The following MUC7 variants were observed in gnomAD, a reference collection of about 807,000 sequenced individuals.
The protein encoded by MUC7 is mucin 7, secreted.
In MUC7, 2 loss-of-function variants were observed where a neutral mutation model predicts 2.5. That is an observed-to-expected ratio of 0.81 (90% CI 0.33 to 2.55). The LOEUF is 2.55. MUC7 is among the 30% of genes most tolerant of loss of function. The pLI is 0.11. For missense variants in MUC7, 408 were observed against 455.6 expected, an observed-to-expected ratio of 0.90 and a Z score of 0.95; for synonymous variants, 133 against 173.4, an observed-to-expected ratio of 0.77 and a Z score of 1.83.
At chr4:70,475,685 AT>A (rs1734977690) in intron 2 of MUC7, among the ~76,000 whole-genome samples, 1 of 152,052 alleles carries the variant, frequency 6.6e-6, no homozygotes, top group African/African-American at 2.4e-5. Context: ...TAATAACCAT[AT>A]TTTTCTCTCA....
chr4:70,436,204 A>G (rs1359862780), intron 1 of MUC7, among the ~76,000 whole-genome samples: 1 of 152,206 alleles, frequency 6.6e-6, no homozygotes, highest in South Asian at 2.1e-4. Flanking sequence ...CTCGAGGAGT[A>G]TCTTTCTGGT....
In MUC7 at chr4:70,481,655, C is replaced by T. The variant is rs370627014; in HGVS notation, c.911C>T (p.Thr304Ile). The change falls in exon 3 of 3, where the codon ACA becomes ATA. Residue 304 changes from threonine (T) to isoleucine (I), a missense_variant. Transcript: ENST00000304887. ...PPSSPAPQET[T>I]AAPITTPNSS... ...TCTTCCCCAGCTCCACAAGAGACCA[C>T]AGCTGCCCCAATTACCACACCTAAT... The T allele has an allele frequency of 1.2e-5, 20 of 1,614,084 alleles. No homozygotes were observed. Among genetic ancestry groups the T allele is most frequent in the Non-Finnish European group, 1.7e-5 (20 of 1,180,044 alleles).
intron 1 of MUC7, among the ~76,000 whole-genome samples, chr4:70,445,856 T>C (rs1450060483): frequency 6.6e-6 from 1 of 152,218 alleles, no homozygotes; most frequent in Non-Finnish European, 1.5e-5. Flanking sequence ...GGAGAATGAA[T>C]GTACAACGGA....
intron 1 of MUC7, among the ~76,000 whole-genome samples, chr4:70,462,077 G>A (rs1269912927): frequency 6.6e-6 from 1 of 152,056 alleles, no homozygotes; most frequent in East Asian, 1.9e-4. Flanking sequence ...AGCCACTCAG[G>A]TGGCAGACAC....
At chr4:70,462,209 C>G (rs1386066616) in intron 1 of MUC7, among the ~76,000 whole-genome samples, 1 of 95,582 alleles carries the variant, frequency 1.0e-5, no homozygotes, top group African/African-American at 4.1e-5. Flanking sequence ...AAAATCCTGT[C>G]TTAAAAAAAA....
chr4:70,476,046 A>T (rs933621671), intron 2 of MUC7, among the ~76,000 whole-genome samples: 1 of 152,190 alleles, frequency 6.6e-6, no homozygotes, highest in Admixed American at 6.5e-5. Context: ...AGCAATTTAG[A>T]ATCTATTTAT....
At chr4:70,457,810 A>G (rs991921419) in intron 1 of MUC7, among the ~76,000 whole-genome samples, 9 of 152,128 alleles carry the variant, frequency 5.9e-5, no homozygotes, top group Admixed American at 1.3e-4. Context: ...TAATAACTCT[A>G]TAACCATTAA....
At chr4:70,448,791 T>C (rs1407277498) in intron 1 of MUC7, among the ~76,000 whole-genome samples, 1 of 152,308 alleles carries the variant, frequency 6.6e-6, no homozygotes, top group East Asian at 1.9e-4. Flanking sequence ...ATCCCATTTG[T>C]TCATTTTTGC....
At chr4:70,435,599 T>C (rs1277654804) in intron 1 of MUC7, among the ~76,000 whole-genome samples, 1 of 152,246 alleles carries the variant, frequency 6.6e-6, no homozygotes, top group African/African-American at 2.4e-5. Flanking sequence ...TGTATATCTT[T>C]GCATGTGAGA....
At chr4:70,442,793 T>A (rs1236384632) in intron 1 of MUC7, among the ~76,000 whole-genome samples, 1 of 152,234 alleles carries the variant, frequency 6.6e-6, no homozygotes, top group East Asian at 1.9e-4. Flanking sequence ...TGCAGTCAAG[T>A]GGGACACAAG....
At chr4:70,455,677 T>C (rs1734393289) in intron 1 of MUC7, among the ~76,000 whole-genome samples, 1 of 152,170 alleles carries the variant, frequency 6.6e-6, no homozygotes, top group Admixed American at 6.5e-5. Flanking sequence ...TCACAGACTC[T>C]CTGAAATATT....
At chr4:70,437,017 T>C (rs1352745067) in intron 1 of MUC7, among the ~76,000 whole-genome samples, 2 of 152,206 alleles carry the variant, frequency 1.3e-5, no homozygotes, top group Admixed American at 1.3e-4. Flanking sequence ...TTGCTGGGTA[T>C]CACCAGCAGA....
intron 1 of MUC7, among the ~76,000 whole-genome samples, chr4:70,441,013 A>G (rs775021807): frequency 1.3e-5 from 2 of 152,210 alleles, no homozygotes; most frequent in Non-Finnish European, 2.9e-5. Flanking sequence ...ACTAATTTAA[A>G]GCATTTTAAG....
chr4:70,477,911 T>A (rs1735052157), intron 2 of MUC7, among the ~76,000 whole-genome samples: 1 of 152,152 alleles, frequency 6.6e-6, no homozygotes, highest in Non-Finnish European at 1.5e-5. Context: ...CCCTGGCATA[T>A]CTATATTTAT....
chr4:70,478,116 A>C (rs41514151), intron 2 of MUC7, among the ~76,000 whole-genome samples: 5,073 of 152,304 alleles, frequency 0.033, 240 homozygotes, highest in African/African-American at 0.1. Context: ...TACATGTTCC[A>C]GGCCAAGCTA....
chr4:70,436,214 T>C (rs1475051247), intron 1 of MUC7, among the ~76,000 whole-genome samples: 3 of 152,140 alleles, frequency 2.0e-5, no homozygotes, highest in Admixed American at 6.5e-5. Context: ...ATCTTTCTGG[T>C]GTTCTCTGTA....
intron 1 of MUC7, among the ~76,000 whole-genome samples, chr4:70,431,732 A>G (rs1176642556): frequency 6.6e-6 from 1 of 151,986 alleles, no homozygotes. Flanking sequence ...GGTTTAAATT[A>G]TGGGTTTCAA....
chr4:70,440,175 A>G lies in MUC7; in HGVS notation c.-93+9488A>G, dbSNP rs960548663. Among the ~76,000 whole-genome samples, 8 of 152,208 alleles carry G rather than the reference A, an allele frequency of 5.3e-5. No homozygotes were observed. The South Asian group carries it at 1.0e-3, about 20-fold the overall frequency. On this transcript the variant is annotated intron_variant, in intron 1 of 3. Transcript: ENST00000413702. ...CTCTCATTTCTCTGATGCATGTTCC[A>G]TATACTATTATATCTGCATAATATT...
intron 2 of MUC7, among the ~76,000 whole-genome samples, chr4:70,474,743 G>C (rs1050401273): frequency 2.0e-5 from 3 of 152,164 alleles, no homozygotes; most frequent in Non-Finnish European, 4.4e-5. Flanking sequence ...CTGTCAGGAA[G>C]TCTCAGCATG....
Sources: gnomAD v4.1 joint callset for allele counts (sites outside exome capture counted in the v4.1 genomes callset) on GRCh38, gnomAD v4.1.1 for gene constraint, MANE v1.5 for transcripts, NCBI Gene and HGNC (gene_info 2026-07-23, HGNC 2026-07-21) for gene names.